Variants in TRIQK observed in about 807,000 individuals in gnomAD.
TRIQK encodes triple QxxK/R motif-containing protein.
In TRIQK, 10 loss-of-function variants were observed where a neutral mutation model predicts 10.8. That is an observed-to-expected ratio of 0.92 (90% CI 0.57 to 1.57). The LOEUF is 1.57. Ranked by LOEUF, TRIQK falls within the 40% of genes most tolerant of loss-of-function variation. TRIQK has a pLI of 0.00. For synonymous variants in TRIQK, 33 were observed against 33.7 expected (o/e 0.98, Z 0.07); for missense variants, 107 against 97.7 (o/e 1.09, Z -0.40).
Position 92,900,216 on chromosome 8 carries a change from A to T in TRIQK, c.62-8142T>A, listed in dbSNP as rs997137529. Among the ~76,000 whole-genome samples the T allele has an allele frequency of 1.3e-5, 2 of 151,906 alleles. 1 individual carries two copies. The highest frequency in any genetic ancestry group is 2.9e-5 in the Non-Finnish European group (2 of 67,982). On this transcript the variant is annotated intron_variant, in intron 3 of 4. Transcript: ENST00000521988. The stretch of plus-strand genomic sequence containing the variant: ...GTGGGTTGTCCCTTTCACTTTACTG[A>T]TGGTTTCCTTTGCTGTTCAGGAGCT...
chr8:93,012,247 T>G (rs750717211), intron 1 of TRIQK, among the ~76,000 whole-genome samples: 6 of 152,194 alleles, frequency 3.9e-5, no homozygotes, highest in Non-Finnish European at 8.8e-5. Flanking sequence ...TTTTTCTTTT[T>G]GGCAGTAAAA....
chr8:92,916,531 A>AAC (rs1809857982), intron 3 of TRIQK, among the ~76,000 whole-genome samples: 1 of 152,048 alleles, frequency 6.6e-6, no homozygotes, highest in East Asian at 1.9e-4. Context: ...TATTTAGCAT[A>AAC]TTTTACAGGA....
At chr8:92,929,964 A>AT (rs1209468163) in intron 2 of TRIQK, among the ~76,000 whole-genome samples, 1 of 152,046 alleles carries the variant, frequency 6.6e-6, no homozygotes, top group African/African-American at 2.4e-5. Context: ...TTAAATAAAG[A>AT]TTTTTTTATG....
chr8:92,931,580 T>C (rs1478587838), intron 2 of TRIQK, among the ~76,000 whole-genome samples: 1 of 152,074 alleles, frequency 6.6e-6, no homozygotes, highest in Non-Finnish European at 1.5e-5. Context: ...CAGAACAAAA[T>C]AAGCATTTTG....
At chr8:93,007,478 A>G (rs1182421763) in intron 1 of TRIQK, among the ~76,000 whole-genome samples, 2 of 152,236 alleles carry the variant, frequency 1.3e-5, no homozygotes, top group Non-Finnish European at 2.9e-5. Context: ...CTCTTCTCCA[A>G]ATGATCGCAA....
chr8:92,922,288 G>A (rs1427091960), intron 2 of TRIQK: 2 of 151,756 alleles, frequency 1.3e-5, no homozygotes, highest in East Asian at 3.9e-4. Context: ...TATTTGCATA[G>A]TATTTTGCAT....
intron 1 of TRIQK, among the ~76,000 whole-genome samples, chr8:93,001,512 A>C (rs1374915004): frequency 1.3e-5 from 2 of 152,224 alleles, no homozygotes; most frequent in Admixed American, 6.5e-5. Context: ...AATAGACTTT[A>C]AGTCAAAAAC....
rs534560725 is a variant in TRIQK, at chr8:92,917,051, G to T, written c.-21-41C>A. 2.3e-5 allele frequency: 29 copies of T among 1,280,960 alleles called. No homozygotes were observed. In the South Asian group the frequency reaches 3.9e-4, roughly 17 times the overall value. The allele number at this position is 1,280,960 out of a possible 1,614,324, so 79.3% of individuals were successfully genotyped here. On this transcript the variant is annotated intron_variant, in intron 2 of 4. Coordinates refer to ENST00000521988, the MANE Select transcript of TRIQK (RefSeq NM_001171797.2). ...TTATAATGAAAATTTTTTTAAAAAG[G>T]AGTGTCTATAAAATCCAGAAATAGT...
At chr8:92,970,980 T>C (rs1812868981), upstream of TRIQK, among the ~76,000 whole-genome samples, 1 of 152,168 alleles carries the variant, frequency 6.6e-6, no homozygotes. Context: ...GTATAAGGTA[T>C]AAGGTCGGGG....
At chr8:92,904,338 T>C (rs1490887133) in intron 3 of TRIQK, among the ~76,000 whole-genome samples, 2 of 152,038 alleles carry the variant, frequency 1.3e-5, no homozygotes, top group Non-Finnish European at 2.9e-5. Flanking sequence ...TTTACTAAAA[T>C]GATAAAGAAA....
At chr8:92,932,600 G>C (rs1409066083) in intron 2 of TRIQK, among the ~76,000 whole-genome samples, 1 of 151,770 alleles carries the variant, frequency 6.6e-6, no homozygotes, top group Non-Finnish European at 1.5e-5. Context: ...CCACTACTTG[G>C]TTAGCATTTA....
chr8:92,999,887 T>A (rs756976818), intron 1 of TRIQK, among the ~76,000 whole-genome samples: 4 of 152,158 alleles, frequency 2.6e-5, no homozygotes, highest in Non-Finnish European at 5.9e-5. Flanking sequence ...AAATTTGAAG[T>A]GAGTTATACT....
intron 1 of TRIQK, among the ~76,000 whole-genome samples, chr8:93,011,804 G>A (rs1288690496): frequency 1.3e-5 from 2 of 152,122 alleles, no homozygotes; most frequent in South Asian, 2.1e-4. Flanking sequence ...AAGCAGCTGA[G>A]GACCAGGGAG....
chr8:92,984,072 A>C (rs2130745610), intron 1 of TRIQK, among the ~76,000 whole-genome samples: 1 of 152,136 alleles, frequency 6.6e-6, no homozygotes, highest in East Asian at 1.9e-4. Context: ...AATACATGAA[A>C]ATGTATTTAT....
At chr8:92,976,923 T>G (rs1014963021) in intron 1 of TRIQK, among the ~76,000 whole-genome samples, 1 of 152,022 alleles carries the variant, frequency 6.6e-6, no homozygotes, top group African/African-American at 2.4e-5. Context: ...TTCTACAGTC[T>G]TTGTGCTATT....
chr8:92,957,498 GAT>G (rs1812234058), intron 1 of TRIQK, among the ~76,000 whole-genome samples: 1 of 151,804 alleles, frequency 6.6e-6, no homozygotes, highest in Non-Finnish European at 1.5e-5. Context: ...GTTCAAAGGG[GAT>G]ATGTTTTCAG....
chr8:92,913,925 C>T (rs1480922186), intron 3 of TRIQK, among the ~76,000 whole-genome samples: 1 of 152,078 alleles, frequency 6.6e-6, no homozygotes, highest in East Asian at 1.9e-4. Flanking sequence ...ACATTGAGAA[C>T]ATACGAGCAC....
At chr8:92,914,663 C>G (rs1465559535) in intron 3 of TRIQK, among the ~76,000 whole-genome samples, 5 of 152,018 alleles carry the variant, frequency 3.3e-5, no homozygotes, top group African/African-American at 1.2e-4. Context: ...CCCTAATTAT[C>G]AGAGAAGTGC....
At position 92,959,480 on chromosome 8, in the gene TRIQK, TACACACACACAC is replaced by T. The variant is rs34816958; in HGVS notation, c.-180-4928_-180-4917del. ...GTATACCATCAGTTATATATATGCA[TACACACACACAC>T]ACACACACACACACACACACACACA... On this transcript the variant is annotated intron_variant, in intron 1 of 4. Transcript: ENST00000521988. 8.0e-3 allele frequency among the ~76,000 whole-genome samples: 1,149 copies of T among 143,726 alleles called. 9 individuals carry two copies. Among genetic ancestry groups the T allele is most frequent in the African/African-American group, 0.027 (1,064 of 39,448 alleles). The allele number at this position is 143,726 out of a possible 152,430, so 94.3% of individuals were successfully genotyped here.
Sources: allele counts gnomAD v4.1 joint callset (sites outside exome capture counted in the v4.1 genomes callset), GRCh38; gene constraint gnomAD v4.1.1; transcripts MANE v1.5; gene names NCBI Gene and HGNC (gene_info 2026-07-23, HGNC 2026-07-21).